ADAMTS18: variants seen among roughly 807,000 people sequenced by gnomAD.
ADAMTS18 encodes the protein A disintegrin and metalloproteinase with thrombospondin motifs 18.
A neutral mutation model predicts 165.9 loss-of-function variants in ADAMTS18; 157 were observed. The ratio of observed to expected loss-of-function variants is 0.95; its 90% CI spans 0.83 to 1.08. The LOEUF (loss-of-function observed/expected upper bound fraction) is 1.08, where lower values mean the gene tolerates loss of function less well. Ranked by LOEUF, ADAMTS18 falls within the 50% of genes least tolerant of loss-of-function variation. ADAMTS18 has a pLI of 0.00. For missense variants in ADAMTS18, 2,040 were observed against 1,534.0 expected (o/e 1.33, Z -5.51); for synonymous variants, 782 against 578.2 (o/e 1.35, Z -5.06).
intron 2 of ADAMTS18, among the ~76,000 whole-genome samples, chr16:77,433,948 G>A (rs1157570864): frequency 6.6e-6 from 1 of 151,716 alleles, no homozygotes; most frequent in Non-Finnish European, 1.5e-5. Context: ...AACAAGGGAA[G>A]CAGAAATGAA....
chr16:77,365,179 A>AAACAACCAC (rs1555519665), intron 4 of ADAMTS18, among the ~76,000 whole-genome samples: 4 of 151,482 alleles, frequency 2.6e-5, no homozygotes, highest in Non-Finnish European at 4.4e-5. Context: ...ATTTCATCTC[A>AAACAACCAC]AACAACAAAA....
intron 20 of ADAMTS18, among the ~76,000 whole-genome samples, chr16:77,291,988 G>T (rs549627658): frequency 6.6e-6 from 1 of 152,268 alleles, no homozygotes; most frequent in South Asian, 2.1e-4. Context: ...ACATGATGAG[G>T]GTCAAAAGTA....
At chr16:77,384,120 G>T (rs1054690095) in intron 3 of ADAMTS18, among the ~76,000 whole-genome samples, 3 of 152,110 alleles carry the variant, frequency 2.0e-5, no homozygotes, top group African/African-American at 7.2e-5. Flanking sequence ...GCTGGTAGGA[G>T]CTCTGTAAAT....
rs115658938 is a variant in ADAMTS18 at position 77,382,608 on chromosome 16, C to T, written c.496-14885G>A. On this transcript the variant is annotated intron_variant, in intron 3 of 22. Coordinates refer to ENST00000282849, the MANE Select transcript of ADAMTS18 (RefSeq NM_199355.4). Reference sequence around the variant, plus strand: ...TCAATCTAGGGAAGATGAAAGAAAGCTGTTTGACACCCTTGTGCCTCATAA... The same window carrying T: ...TCAATCTAGGGAAGATGAAAGAAAGTTGTTTGACACCCTTGTGCCTCATAA... Among the ~76,000 whole-genome samples, 829 of 152,290 alleles carry T rather than the reference C, an allele frequency of 5.4e-3. 9 individuals are homozygous for T. Among genetic ancestry groups the T allele is most frequent in the African/African-American group, 0.017 (715 of 41,560 alleles).
At chr16:77,409,174 T>A (rs945950992) in intron 3 of ADAMTS18, among the ~76,000 whole-genome samples, 2 of 152,148 alleles carry the variant, frequency 1.3e-5, no homozygotes, top group Non-Finnish European at 2.9e-5. Flanking sequence ...GGCTACGTAC[T>A]CATTATTTGT....
chr16:77,371,595 G>C (rs1329127554), intron 3 of ADAMTS18, among the ~76,000 whole-genome samples: 4 of 152,176 alleles, frequency 2.6e-5, no homozygotes, highest in Non-Finnish European at 4.4e-5. Context: ...AATGAAATTT[G>C]ACTCTTACCT....
chr16:77,431,703 C>G, intron 2 of ADAMTS18, 92 bp from the exon 3 acceptor site: 3 of 1,315,052 alleles, frequency 2.3e-6, no homozygotes, highest in South Asian at 1.2e-5. Flanking sequence ...ACACAAAGCT[C>G]AAAGATATCT....
intron 16 of ADAMTS18, among the ~76,000 whole-genome samples, chr16:77,304,649 G>C (rs2055649147): frequency 6.6e-6 from 1 of 152,162 alleles, no homozygotes; most frequent in South Asian, 2.1e-4. Flanking sequence ...ACAGCAGTAA[G>C]GGAACAAATC....
intron 10 of ADAMTS18, 35 bp downstream of exon 10, chr16:77,353,698 T>A: frequency 1.9e-6 from 3 of 1,613,932 alleles, no homozygotes; most frequent in South Asian, 2.2e-5. Flanking sequence ...CATTGCAGAG[T>A]CTTAATGTAA....
At chr16:77,434,366 G>T in intron 2 of ADAMTS18, 52 bp downstream of exon 2, 1 of 1,532,492 alleles carries the variant, frequency 6.5e-7, no homozygotes. Context: ...GGGGAAGGAA[G>T]GGTCAAAGTG....
At chr16:77,295,625 A>G (rs559918739) in intron 18 of ADAMTS18, among the ~76,000 whole-genome samples, 17 of 152,196 alleles carry the variant, frequency 1.1e-4, no homozygotes, top group Non-Finnish European at 2.2e-4. Context: ...ATGAGAGAGA[A>G]AGAGAGGGAG....
intron 10 of ADAMTS18, among the ~76,000 whole-genome samples, chr16:77,342,364 T>C (rs546410810): frequency 2.0e-5 from 3 of 152,170 alleles, no homozygotes; most frequent in Admixed American, 2.0e-4. Flanking sequence ...ATTACTACCT[T>C]TTTCATCTTT....
chr16:77,334,717 G>GTATATAGTATATA (rs1484012953), intron 12 of ADAMTS18, among the ~76,000 whole-genome samples: 1 of 91,352 alleles, frequency 1.1e-5, no homozygotes, highest in Non-Finnish European at 2.1e-5. Context: ...GTATACTATA[G>GTATATAGTATATA]TATACTACTA....
chr16:77,369,596 T>A (rs1402660329), intron 3 of ADAMTS18, among the ~76,000 whole-genome samples: 1 of 152,196 alleles, frequency 6.6e-6, no homozygotes, highest in Admixed American at 6.5e-5. Flanking sequence ...AGATTTAATC[T>A]GTAATAAAAA....
intron 3 of ADAMTS18, among the ~76,000 whole-genome samples, chr16:77,390,157 A>C (rs1263054398): frequency 3.3e-5 from 5 of 152,220 alleles, no homozygotes; most frequent in African/African-American, 1.2e-4. Context: ...TGAGACCAAG[A>C]AATCAATCAG....
intron 16 of ADAMTS18, among the ~76,000 whole-genome samples, chr16:77,311,809 G>A (rs1316000839): frequency 1.3e-5 from 2 of 151,164 alleles, no homozygotes; most frequent in South Asian, 2.1e-4. Flanking sequence ...TTTCCATTTA[G>A]ATTGCTTTCA....
intron 3 of ADAMTS18, among the ~76,000 whole-genome samples, chr16:77,422,447 T>C (rs1468524629): frequency 1.3e-5 from 2 of 151,246 alleles, no homozygotes; most frequent in African/African-American, 2.4e-5. Flanking sequence ...ATTGGATAGC[T>C]TGGATCTAGC....
At chr16:77,300,000 A>G in intron 17 of ADAMTS18, 1 of 339,104 alleles carries the variant, frequency 2.9e-6, no homozygotes, top group Non-Finnish European at 5.5e-6. Context: ...AATTCAATAT[A>G]TTTTATATGT....
At chr16:77,407,279 T>C (rs1167668843) in intron 3 of ADAMTS18, among the ~76,000 whole-genome samples, 9 of 152,018 alleles carry the variant, frequency 5.9e-5, no homozygotes, top group Non-Finnish European at 1.3e-4. Context: ...AATAACAATC[T>C]AAGAATGAGC....
Sources: gnomAD v4.1 joint callset for allele counts (sites outside exome capture counted in the v4.1 genomes callset) on GRCh38, gnomAD v4.1.1 for gene constraint, MANE v1.5 for transcripts, NCBI Gene and HGNC (gene_info 2026-07-23, HGNC 2026-07-21) for gene names.